Variants in BFSP2 observed in about 807,000 individuals in gnomAD.
BFSP2 encodes beaded filament structural protein 2, also known as phakinin.
A neutral mutation model predicts 44.9 loss-of-function variants in BFSP2; 38 were observed. That is an observed-to-expected ratio of 0.85 (90% CI 0.65 to 1.11). The LOEUF (loss-of-function observed/expected upper bound fraction) is 1.11. Ranked by LOEUF, BFSP2 falls within the 50% of genes least tolerant of loss-of-function variation. BFSP2 has a pLI of 0.00. For synonymous variants in BFSP2, 197 were observed against 209.9 expected (o/e 0.94, Z 0.53); for missense variants, 525 against 533.0 (o/e 0.99, Z 0.15).
chr3:133,460,614 C>T (rs377020762), intron 4 of BFSP2, among the ~76,000 whole-genome samples: 34 of 152,254 alleles, frequency 2.2e-4, no homozygotes, highest in Middle Eastern at 6.8e-3. Context: ...GTTGGAGAGG[C>T]CTTTGTCCCC....
intron 1 of BFSP2, 68 bp from the exon 2 acceptor site, chr3:133,447,248 AG>A (rs1233444081): frequency 6.5e-7 from 1 of 1,542,976 alleles, no homozygotes; most frequent in Non-Finnish European, 8.9e-7. Context: ...GCCTAACACA[AG>A]TCATGGTGGT....
intron 5 of BFSP2, 71 bp downstream of exon 5, chr3:133,467,030 A>T: frequency 1.9e-6 from 3 of 1,590,070 alleles, no homozygotes; most frequent in Non-Finnish European, 8.6e-7. Context: ...TTCCAGTATT[A>T]TGGATCTTAG....
At position 133,400,358 on chromosome 3, in the gene BFSP2, G is replaced by T; in HGVS notation, c.275G>T (p.Gly92Val). 6.2e-7 allele frequency: 1 copy of T among 1,614,066 alleles called. No homozygotes were observed. Reference sequence around the variant, plus strand: ...TTCCTTCAGGGCCTGCGGAGCTCAGGCCTGGCCACCGTGCCGGCTCCAGGT... The same window carrying T: ...TTCCTTCAGGGCCTGCGGAGCTCAGTCCTGGCCACCGTGCCGGCTCCAGGT... Reference protein sequence around the residue: ...SVFLQGLRSSGLATVPAPGLE... With the variant: ...SVFLQGLRSSVLATVPAPGLE... Residue 92 changes from glycine (G) to valine (V), a missense_variant, in exon 1 of 7, where the codon GGC becomes GTC. Transcript: ENST00000302334. The surrounding 1 kb of genome is among the most constrained non-coding windows in gnomAD (Gnocchi z 4.0).
intron 1 of BFSP2, among the ~76,000 whole-genome samples, chr3:133,436,641 A>G (rs1334978910): frequency 6.6e-6 from 1 of 152,162 alleles, no homozygotes; most frequent in African/African-American, 2.4e-5. Context: ...GTTCTAGGGT[A>G]CCTGTGCACA....
intron 1 of BFSP2, chr3:133,404,861 G>A (rs2073391399): frequency 1.3e-5 from 2 of 152,174 alleles, no homozygotes; most frequent in South Asian, 4.1e-4. Context: ...AGCTGTGTTA[G>A]AACCTCCAAG....
At chr3:133,446,580 AT>A (rs2073900723) in intron 1 of BFSP2, among the ~76,000 whole-genome samples, 1 of 7,870 alleles carries the variant, frequency 1.3e-4, no homozygotes, top group Non-Finnish European at 3.2e-4. Flanking sequence ...TTATATATAT[AT>A]ATATATATAT....
rs1405886559 is a variant in BFSP2 at position 133,450,448 on chromosome 3, C to A, written c.875C>A (p.Ala292Asp). Residue 292 changes from alanine (A) to aspartate (D), a missense_variant, in exon 4 of 7, where the codon GCC (alanine) becomes GAC (aspartate). By Grantham distance (126) the Ala-to-Asp change is moderately radical. Coordinates refer to ENST00000302334, the MANE Select transcript of BFSP2 (RefSeq NM_003571.4). ...DVEKNRVEAG[A>D]LLQAKQQAEV... ...GAAAAGAACCGGGTGGAGGCAGGAGCCCTGCTCCAAGCTAAGGTGAGAGGC... is the reference window on the plus strand; with the variant it reads ...GAAAAGAACCGGGTGGAGGCAGGAGACCTGCTCCAAGCTAAGGTGAGAGGC... 1 of 1,614,038 alleles carries A rather than the reference C, an allele frequency of 6.2e-7. No homozygotes were observed. The highest frequency in any genetic ancestry group is 8.5e-7 in the Non-Finnish European group (1 of 1,179,992).
chr3:133,409,283 C>A (rs1694613571), intron 1 of BFSP2, among the ~76,000 whole-genome samples: 2 of 149,402 alleles, frequency 1.3e-5, no homozygotes, highest in African/African-American at 5.0e-5. Flanking sequence ...AAGAGAGTAA[C>A]TATATTTGTG....
chr3:133,424,004 A>G (rs1213554870), intron 1 of BFSP2, among the ~76,000 whole-genome samples: 2 of 149,940 alleles, frequency 1.3e-5, no homozygotes, highest in Admixed American at 6.6e-5. Flanking sequence ...GACTTTGCAT[A>G]TATCGACCAG....
At chr3:133,440,297 T>G (rs1371959982) in intron 1 of BFSP2, among the ~76,000 whole-genome samples, 4 of 152,060 alleles carry the variant, frequency 2.6e-5, no homozygotes, top group Admixed American at 1.3e-4. Context: ...GAGCTACAAT[T>G]CAAGATGAGA....
intron 1 of BFSP2, among the ~76,000 whole-genome samples, chr3:133,423,641 T>A (rs1021482416): frequency 6.6e-6 from 1 of 151,980 alleles, no homozygotes; most frequent in Non-Finnish European, 1.5e-5. Context: ...CATTCCACTT[T>A]GTGGCAGCGA....
intron 1 of BFSP2, among the ~76,000 whole-genome samples, chr3:133,434,352 C>T (rs989015517): frequency 1.4e-4 from 22 of 152,088 alleles, no homozygotes. Flanking sequence ...CCCCTTACCA[C>T]AAAAATCTTC....
At chr3:133,404,844 A>G (rs1576555232) in intron 1 of BFSP2, 1 of 151,838 alleles carries the variant, frequency 6.6e-6, no homozygotes, top group African/African-American at 2.4e-5. Flanking sequence ...CTCTCCTCCC[A>G]CTCCTCAGCT....
intron 1 of BFSP2, among the ~76,000 whole-genome samples, chr3:133,436,102 G>A (rs1206990258): frequency 6.6e-6 from 1 of 152,048 alleles, no homozygotes; most frequent in African/African-American, 2.4e-5. Context: ...GATGGCTTAT[G>A]TCTGTAATCT....
At position 133,472,383 on chromosome 3, in the gene BFSP2, C is replaced by T. The variant is rs944797180; in HGVS notation, c.1062C>T (p.His354=). 8.1e-6 allele frequency: 13 copies of T among 1,613,844 alleles called. No homozygotes were observed. In the Middle Eastern group the frequency reaches 1.2e-3, roughly 143 times the overall value. The change falls in exon 6 of 7, where the codon CAC becomes CAT. Residue 354 remains histidine (H), a synonymous_variant. Coordinates refer to ENST00000302334, the MANE Select transcript of BFSP2 (RefSeq NM_003571.4). ...AGAACACCTTGCACGATGCCAAGCA[C>T]TGGCATGACATGGAGCTCCAGAACC... ...GLENTLHDAK[H]WHDMELQNLG...
chr3:133,458,837 C>A (rs903641073), intron 4 of BFSP2, among the ~76,000 whole-genome samples: 2 of 152,142 alleles, frequency 1.3e-5, no homozygotes, highest in Non-Finnish European at 2.9e-5. Context: ...CCCAACATTG[C>A]AACCTCTTTC....
At chr3:133,416,771 A>C (rs1311322815) in intron 1 of BFSP2, among the ~76,000 whole-genome samples, 3 of 52,684 alleles carry the variant, frequency 5.7e-5, no homozygotes, top group Non-Finnish European at 7.0e-5. Flanking sequence ...ACTTGCCCCT[A>C]CACTCTCCCT....
intron 4 of BFSP2, among the ~76,000 whole-genome samples, chr3:133,455,121 A>C (rs1414972015): frequency 6.6e-6 from 1 of 152,114 alleles, no homozygotes; most frequent in Admixed American, 6.5e-5. Context: ...ACCGTTAACT[A>C]TTTTTCTTTT....
intron 4 of BFSP2, among the ~76,000 whole-genome samples, chr3:133,463,825 A>T (rs539258414): frequency 7.2e-5 from 11 of 152,206 alleles, no homozygotes; most frequent in African/African-American, 2.4e-4. Flanking sequence ...GTCACCTGAC[A>T]TTCTTAGTTG....
Sources: allele counts gnomAD v4.1 joint callset (sites outside exome capture counted in the v4.1 genomes callset), GRCh38; gene constraint gnomAD v4.1.1; non-coding constraint Gnocchi (gnomAD v3.1); transcripts MANE v1.5; gene names NCBI Gene and HGNC (gene_info 2026-07-23, HGNC 2026-07-21).